Variants in LRFN5 observed in about 807,000 individuals in gnomAD.
LRFN5 encodes the protein leucine-rich repeat and fibronectin type-III domain-containing protein 5.
Under a neutral mutation model 45.6 loss-of-function variants are expected in LRFN5, and 24 were observed. The ratio of observed to expected loss-of-function variants is 0.53; its 90% CI spans 0.38 to 0.74. LRFN5 has a LOEUF of 0.74. LRFN5 is among the 30% of genes least tolerant of loss of function. The pLI is 0.00. For missense variants in LRFN5, 776 were observed against 861.5 expected (o/e 0.90, Z 1.24); for synonymous variants, 340 against 313.8 (o/e 1.08, Z -0.88).
At chr14:41,704,976 G>A (rs994862055) in intron 1 of LRFN5, among the ~76,000 whole-genome samples, 2 of 152,056 alleles carry the variant, frequency 1.3e-5, no homozygotes, top group African/African-American at 4.8e-5. Context: ...TTAATGATGT[G>A]ATGTATGTAG....
chr14:41,883,673 C>A (rs376794694), intron 2 of LRFN5, among the ~76,000 whole-genome samples: 126 of 152,278 alleles, frequency 8.3e-4, no homozygotes, highest in African/African-American at 2.7e-3. Flanking sequence ...GAGGAGTCAG[C>A]AGTTACTTTT....
intron 1 of LRFN5, among the ~76,000 whole-genome samples, chr14:41,667,844 A>G (rs1232737031): frequency 6.6e-6 from 1 of 152,156 alleles, no homozygotes; most frequent in Non-Finnish European, 1.5e-5. Flanking sequence ...CTGACAGTTT[A>G]TACCTATTTA....
At chr14:41,815,261 A>T (rs1349373846) in intron 2 of LRFN5, among the ~76,000 whole-genome samples, 2 of 152,136 alleles carry the variant, frequency 1.3e-5, no homozygotes, top group African/African-American at 4.8e-5. Flanking sequence ...TATATTTTTC[A>T]TGGAGAATTT....
At chr14:41,888,538 G>T (rs1890661137) in intron 3 of LRFN5, among the ~76,000 whole-genome samples, 1 of 152,072 alleles carries the variant, frequency 6.6e-6, no homozygotes, top group Non-Finnish European at 1.5e-5. Context: ...TGTGAATAAG[G>T]TGGGTGATCA....
At chr14:41,875,675 A>G (rs1403824096) in intron 2 of LRFN5, among the ~76,000 whole-genome samples, 1 of 152,236 alleles carries the variant, frequency 6.6e-6, no homozygotes, top group Non-Finnish European at 1.5e-5. Context: ...TCACTTACCA[A>G]AGAAAAATGA....
At chr14:41,689,894 C>G (rs1308541113) in intron 1 of LRFN5, among the ~76,000 whole-genome samples, 1 of 81,950 alleles carries the variant, frequency 1.2e-5, no homozygotes, top group Non-Finnish European at 2.5e-5. Context: ...GACTCCGTCT[C>G]AAAAAAAAAA....
intron 1 of LRFN5, among the ~76,000 whole-genome samples, chr14:41,666,976 G>T (rs1017982855): frequency 1.8e-4 from 27 of 152,196 alleles, no homozygotes; most frequent in African/African-American, 6.5e-4. Flanking sequence ...ATAGAGTTTT[G>T]TAGGATTTTT....
At chr14:41,727,985 T>C (rs1170244062) in intron 1 of LRFN5, among the ~76,000 whole-genome samples, 6 of 152,066 alleles carry the variant, frequency 3.9e-5, no homozygotes, top group African/African-American at 1.2e-4. Flanking sequence ...GAGAGGTCAG[T>C]TGCAGTTTTG....
intron 2 of LRFN5, among the ~76,000 whole-genome samples, chr14:41,788,633 A>G (rs1333587093): frequency 6.6e-6 from 1 of 152,126 alleles, no homozygotes; most frequent in Non-Finnish European, 1.5e-5. Flanking sequence ...ACAATTATTT[A>G]CCTGGAGATA....
intron 2 of LRFN5, among the ~76,000 whole-genome samples, chr14:41,811,280 G>C (rs1221061762): frequency 1.3e-5 from 2 of 152,010 alleles, no homozygotes; most frequent in Non-Finnish European, 2.9e-5. Context: ...ACAAGTGTTA[G>C]TGAGCATGTC....
intron 1 of LRFN5, among the ~76,000 whole-genome samples, chr14:41,683,016 TAATTA>T (rs1479210270): frequency 3.3e-5 from 5 of 152,068 alleles, no homozygotes; most frequent in African/African-American, 9.7e-5. Context: ...ATAAATAAAT[TAATTA>T]AATTAAACAC....
chr14:41,866,693 C>T (rs1332191654), intron 2 of LRFN5, among the ~76,000 whole-genome samples: 1 of 152,052 alleles, frequency 6.6e-6, no homozygotes, highest in Non-Finnish European at 1.5e-5. Flanking sequence ...CTTTATATCA[C>T]TTATGTAGAA....
At chr14:41,762,236 G>T (rs1033129729) in intron 1 of LRFN5, among the ~76,000 whole-genome samples, 1 of 151,278 alleles carries the variant, frequency 6.6e-6, no homozygotes, top group East Asian at 1.9e-4. Context: ...TATTACAAAT[G>T]CAGTAATAAA....
At chr14:41,884,500 C>T (rs899772035) in intron 2 of LRFN5, among the ~76,000 whole-genome samples, 4 of 151,932 alleles carry the variant, frequency 2.6e-5, no homozygotes, top group African/African-American at 9.7e-5. Context: ...AAGAAGAGAC[C>T]CAGAGCCAGC....
At chr14:41,639,947 TA>T (rs1879490771) in intron 1 of LRFN5, among the ~76,000 whole-genome samples, 1 of 123,464 alleles carries the variant, frequency 8.1e-6, no homozygotes, top group Non-Finnish European at 1.6e-5. Context: ...CATGACTGGC[TA>T]ATTTTTTTTT....
intron 2 of LRFN5, among the ~76,000 whole-genome samples, chr14:41,787,878 G>C (rs180939347): frequency 1.1e-4 from 17 of 152,152 alleles, no homozygotes; most frequent in Non-Finnish European, 2.2e-4. Flanking sequence ...GTTTGGACTT[G>C]TGCCTTTCGG....
chr14:41,624,909 T>G (rs1035785962), intron 1 of LRFN5, among the ~76,000 whole-genome samples: 2 of 152,146 alleles, frequency 1.3e-5, no homozygotes, highest in Admixed American at 1.3e-4. Context: ...TCTTAATTTT[T>G]TTTTTTCTTT....
At chr14:41,631,268 G>A (rs891115302) in intron 1 of LRFN5, among the ~76,000 whole-genome samples, 8 of 151,868 alleles carry the variant, frequency 5.3e-5, no homozygotes, top group African/African-American at 1.9e-4. Context: ...TTTCCACTCT[G>A]TGTATTTTTC....
intron 2 of LRFN5, among the ~76,000 whole-genome samples, chr14:41,856,825 C>T (rs1456824624): frequency 1.4e-5 from 2 of 146,876 alleles, no homozygotes; most frequent in African/African-American, 2.5e-5. Context: ...TACAGGCGCC[C>T]GCCACTGCGC....
Sources: allele counts gnomAD v4.1 joint callset (sites outside exome capture counted in the v4.1 genomes callset), GRCh38; gene constraint gnomAD v4.1.1; transcripts MANE v1.5; gene names NCBI Gene and HGNC (gene_info 2026-07-23, HGNC 2026-07-21).